The following SPOCK3 variants were observed in gnomAD, a reference collection of about 807,000 sequenced individuals.
The protein encoded by SPOCK3 is SPARC (osteonectin), cwcv and kazal like domains proteoglycan 3.
In SPOCK3, 30 loss-of-function variants were observed where a neutral mutation model predicts 56.6. The ratio of observed to expected loss-of-function variants is 0.53; its 90% CI spans 0.40 to 0.72. The LOEUF is 0.72. Ranked by LOEUF, SPOCK3 falls within the 30% of genes least tolerant of loss-of-function variation. The pLI, the probability that SPOCK3 is intolerant of heterozygous loss-of-function variation, is 0.00. For synonymous variants in SPOCK3, 196 were observed against 183.3 expected (o/e 1.07, Z -0.56); for missense variants, 527 against 530.0 (o/e 0.99, Z 0.06).
chr4:167,116,649 T>TACACGTATATACTATATACGTATATATAG, intron 2 of SPOCK3, among the ~76,000 whole-genome samples: 1 of 99,414 alleles, frequency 1.0e-5, no homozygotes, highest in African/African-American at 4.1e-5. Flanking sequence ...CGTATATATA[T>TACACGTATATACTATATACGTATATATAG]ACACATATAT....
chr4:166,853,503 G>A (rs1461485870), intron 6 of SPOCK3, among the ~76,000 whole-genome samples: 1 of 152,162 alleles, frequency 6.6e-6, no homozygotes, highest in Non-Finnish European at 1.5e-5. Context: ...TTAATTTGGT[G>A]TTCACAAAGG....
At chr4:166,830,744 C>T (rs1745950119) in intron 6 of SPOCK3, among the ~76,000 whole-genome samples, 1 of 151,480 alleles carries the variant, frequency 6.6e-6, no homozygotes, top group African/African-American at 2.4e-5. Context: ...CTCCCCGCCC[C>T]GCTCGAAAAA....
chr4:166,766,501 C>G (rs150596467), intron 7 of SPOCK3, among the ~76,000 whole-genome samples: 1 of 152,108 alleles, frequency 6.6e-6, no homozygotes, highest in African/African-American at 2.4e-5. Context: ...TAATGATTTG[C>G]GTACGTTGAA....
At chr4:166,891,829 T>C (rs921425238) in intron 5 of SPOCK3, among the ~76,000 whole-genome samples, 1 of 152,012 alleles carries the variant, frequency 6.6e-6, no homozygotes, top group Admixed American at 6.6e-5. Flanking sequence ...CAGGAGCAAC[T>C]GTGAGTGGTA....
At position 167,191,693 on chromosome 4, in the gene SPOCK3, A is replaced by C. The variant is rs148038232; in HGVS notation, c.189+42292T>G. ...GACAGTTTTTTTTTGTGAAGTCTTT[A>C]TAAGTTTCTACATATAAGATTATAT... On this transcript the variant is annotated intron_variant, in intron 2 of 10. Transcript: ENST00000357545. Among the ~76,000 whole-genome samples, 652 of 145,088 alleles carry C rather than the reference A, an allele frequency of 4.5e-3. 52 individuals are homozygous for C. Among genetic ancestry groups the C allele is most frequent in the Non-Finnish European group, 7.3e-3 (483 of 66,560 alleles).
intron 2 of SPOCK3, among the ~76,000 whole-genome samples, chr4:167,119,489 G>T (rs1294543109): frequency 6.6e-6 from 1 of 151,948 alleles, no homozygotes; most frequent in South Asian, 2.1e-4. Flanking sequence ...TAAATAACAG[G>T]TTACTAAAGT....
intron 3 of SPOCK3, among the ~76,000 whole-genome samples, chr4:167,040,676 C>T (rs1414391032): frequency 6.6e-6 from 1 of 152,014 alleles, no homozygotes; most frequent in East Asian, 1.9e-4. Context: ...AGTGAAAAAT[C>T]ACTATTCTTT....
chr4:167,142,773 C>G (rs758246952), intron 2 of SPOCK3, among the ~76,000 whole-genome samples: 3 of 151,824 alleles, frequency 2.0e-5, no homozygotes, highest in Non-Finnish European at 4.4e-5. Context: ...TCAGAGCACA[C>G]AATAATGCTC....
intron 6 of SPOCK3, among the ~76,000 whole-genome samples, chr4:166,794,442 A>G (rs1579246444): frequency 6.6e-6 from 1 of 152,138 alleles, no homozygotes; most frequent in African/African-American, 2.4e-5. Flanking sequence ...TACCAAGGGA[A>G]CTGGATTAAT....
intron 5 of SPOCK3, among the ~76,000 whole-genome samples, chr4:166,903,110 T>A (rs952675342): frequency 6.4e-4 from 94 of 147,450 alleles, no homozygotes; most frequent in African/African-American, 2.2e-3. Flanking sequence ...TTATATTTAT[T>A]TATAAATTAT....
At chr4:166,851,182 T>C (rs1275455936) in intron 6 of SPOCK3, among the ~76,000 whole-genome samples, 1 of 152,116 alleles carries the variant, frequency 6.6e-6, no homozygotes, top group Admixed American at 6.5e-5. Context: ...GCAGCCTAAC[T>C]GGGAGGCACT....
intron 4 of SPOCK3, among the ~76,000 whole-genome samples, chr4:166,955,497 A>G: frequency 6.9e-6 from 1 of 145,856 alleles, no homozygotes; most frequent in Non-Finnish European, 1.5e-5. Flanking sequence ...TATATTATTA[A>G]ATTAGTTATA....
chr4:167,196,321 G>A (rs571043118), intron 2 of SPOCK3, among the ~76,000 whole-genome samples: 23 of 152,110 alleles, frequency 1.5e-4, no homozygotes, highest in African/African-American at 5.1e-4. Context: ...ACATTAACAC[G>A]TTTGTTGTAT....
chr4:166,952,275 C>G (rs1265660578), intron 4 of SPOCK3, among the ~76,000 whole-genome samples: 1 of 152,112 alleles, frequency 6.6e-6, no homozygotes, highest in Non-Finnish European at 1.5e-5. Flanking sequence ...CACAAGCATT[C>G]TTATACACCA....
At chr4:166,845,980 C>T (rs571501224) in intron 6 of SPOCK3, among the ~76,000 whole-genome samples, 1 of 152,234 alleles carries the variant, frequency 6.6e-6, no homozygotes, top group Non-Finnish European at 1.5e-5. Flanking sequence ...GTTTGTACTC[C>T]TGTACTGAAT....
intron 2 of SPOCK3, among the ~76,000 whole-genome samples, chr4:167,090,767 T>G (rs2150309111): frequency 6.6e-6 from 1 of 152,234 alleles, no homozygotes; most frequent in African/African-American, 2.4e-5. Flanking sequence ...CCTCCCAAAG[T>G]GCTGGGATTA....
At chr4:167,064,881 T>C (rs1260572773) in intron 2 of SPOCK3, among the ~76,000 whole-genome samples, 2 of 151,506 alleles carry the variant, frequency 1.3e-5, no homozygotes, top group East Asian at 1.9e-4. Context: ...TAAATCTTAA[T>C]AGCTACTCAT....
At chr4:166,787,403 T>C (rs1261884795) in intron 7 of SPOCK3, among the ~76,000 whole-genome samples, 8 of 152,194 alleles carry the variant, frequency 5.3e-5, no homozygotes, top group Admixed American at 2.0e-4. Flanking sequence ...CAAAATACTT[T>C]GTAACTAATA....
intron 7 of SPOCK3, among the ~76,000 whole-genome samples, chr4:166,765,302 G>A (rs896130536): frequency 2.0e-5 from 3 of 152,146 alleles, no homozygotes; most frequent in Non-Finnish European, 2.9e-5. Flanking sequence ...TTTTCTTCTA[G>A]GGTTTTTATC....
Sources: gnomAD v4.1 joint callset for allele counts (sites outside exome capture counted in the v4.1 genomes callset) on GRCh38, gnomAD v4.1.1 for gene constraint, MANE v1.5 for transcripts, NCBI Gene and HGNC (gene_info 2026-07-23, HGNC 2026-07-21) for gene names.